BCHE: variants seen among roughly 807,000 people sequenced by gnomAD.
The protein encoded by BCHE is cholinesterase.
A neutral mutation model predicts 51.3 loss-of-function variants in BCHE; 48 were observed. That is an observed-to-expected ratio of 0.94 (90% confidence interval 0.74 to 1.19). The LOEUF is 1.19. Ranked by LOEUF, BCHE falls within the 50% of genes most tolerant of loss-of-function variation. BCHE has a pLI of 0.00. For missense variants in BCHE, 847 were observed against 708.2 expected (o/e 1.20, Z -2.23); for synonymous variants, 251 against 238.0 (o/e 1.05, Z -0.50).
chr3:165,822,036 G>A (rs150758097), intron 2 of BCHE, among the ~76,000 whole-genome samples: 669 of 152,064 alleles, frequency 4.4e-3, no homozygotes, highest in Non-Finnish European at 6.0e-3. Flanking sequence ...GAGAATAGCA[G>A]CATGTGTGCT....
At position 165,829,990 on chromosome 3, in the gene BCHE, A is replaced by G; in HGVS notation, c.1044T>C (p.Gly348=). The part of the protein sequence containing the change: ...GQFKKTQILV[G]VNKDEGTAFL... Reference sequence around the variant, plus strand: ...AAGCTGTCCCTTCATCTTTATTAACACCCACCAAAATCTGGGTTTTTTTAA... The same window carrying G: ...AAGCTGTCCCTTCATCTTTATTAACGCCCACCAAAATCTGGGTTTTTTTAA... Residue 348 remains glycine (G), a synonymous_variant, in exon 2 of 4, where the codon GGT becomes GGC. Transcript: ENST00000264381. The G allele has an allele frequency of 6.2e-7, 1 of 1,613,780 alleles. No individual in the cohort carries two copies. The highest frequency in any genetic ancestry group is 8.5e-7 in the Non-Finnish European group (1 of 1,179,860).
Position 165,773,492 on chromosome 3 carries a change from C to T in BCHE, c.1699G>A (p.Ala567Thr), listed in dbSNP as rs1803274. The T allele has an allele frequency of 0.19, 310,983 of 1,602,676 alleles. 31,008 individuals carry two copies. The highest frequency in any genetic ancestry group is 0.23 in the Middle Eastern group (1,379 of 6,032). The change falls in exon 4 of 4, where the codon GCA becomes ACA. Residue 567 changes from alanine (A) to threonine (T), a missense_variant. Physicochemically the swap from Ala to Thr is moderately conservative, Grantham distance 58. Coordinates refer to ENST00000264381, the MANE Select transcript of BCHE (RefSeq NM_000055.4). ...AATCCTGCTTTCCACTCCCATTCTG[C>T]TTCATCAATATTTCCTGTAAAATAT... is the stretch of plus-strand genomic sequence containing the variant. ...VLEMTGNIDE[A>T]EWEWKAGFHR...
intron 2 of BCHE, among the ~76,000 whole-genome samples, chr3:165,804,822 G>A (rs1713812842): frequency 6.6e-6 from 1 of 152,178 alleles, no homozygotes; most frequent in East Asian, 1.9e-4. Context: ...TTCACATAGT[G>A]TGTATACATG....
intron 3 of BCHE, among the ~76,000 whole-genome samples, chr3:165,775,008 A>T (rs1457336058): frequency 6.6e-6 from 1 of 152,186 alleles, no homozygotes; most frequent in African/African-American, 2.4e-5. Flanking sequence ...TTAAACTTTT[A>T]GAATGCTAAG....
intron 2 of BCHE, among the ~76,000 whole-genome samples, chr3:165,810,558 G>A (rs1301865227): frequency 6.6e-6 from 1 of 152,068 alleles, no homozygotes; most frequent in Non-Finnish European, 1.5e-5. Context: ...AGGATATTGT[G>A]CCAGCCAAAT....
At chr3:165,834,848 T>C (rs750974746) in intron 1 of BCHE, among the ~76,000 whole-genome samples, 2 of 151,898 alleles carry the variant, frequency 1.3e-5, no homozygotes, top group Non-Finnish European at 2.9e-5. Context: ...GCAGGTTTGA[T>C]CGTTTTTCTT....
intron 2 of BCHE, among the ~76,000 whole-genome samples, chr3:165,823,633 A>G (rs758319633): frequency 2.0e-4 from 31 of 152,164 alleles, no homozygotes; most frequent in Non-Finnish European, 3.4e-4. Context: ...TTATAATAAG[A>G]TATTTTCCCA....
intron 2 of BCHE, among the ~76,000 whole-genome samples, chr3:165,827,273 T>C (rs991946718): frequency 1.3e-5 from 2 of 152,040 alleles, no homozygotes; most frequent in African/African-American, 4.8e-5. Flanking sequence ...TGTGCAAATA[T>C]CGTCTGCAAA....
chr3:165,805,650 A>G (rs370080480), intron 2 of BCHE, among the ~76,000 whole-genome samples: 12 of 152,204 alleles, frequency 7.9e-5, no homozygotes, highest in Non-Finnish European at 1.6e-4. Flanking sequence ...CAATAACCTA[A>G]ATCATTAAAC....
intron 2 of BCHE, among the ~76,000 whole-genome samples, chr3:165,793,019 T>C (rs915260888): frequency 6.6e-6 from 1 of 152,140 alleles, no homozygotes; most frequent in African/African-American, 2.4e-5. Flanking sequence ...TGAAGAAGAT[T>C]TTTTTAGTTT....
At chr3:165,826,177 C>G (rs1169460917) in intron 2 of BCHE, among the ~76,000 whole-genome samples, 1 of 152,252 alleles carries the variant, frequency 6.6e-6, no homozygotes, top group South Asian at 2.1e-4. Flanking sequence ...AAAACATCTT[C>G]TACAACAAGA....
At chr3:165,813,695 AG>A (rs1714195771) in intron 2 of BCHE, among the ~76,000 whole-genome samples, 1 of 151,898 alleles carries the variant, frequency 6.6e-6, no homozygotes, top group Non-Finnish European at 1.5e-5. Context: ...AGAAATTTCA[AG>A]GATAACAAAG....
Position 165,829,758 on chromosome 3 carries a change from AATT to A in BCHE, c.1273_1275del (p.Asn425del). 1 of 1,613,940 alleles carries A rather than the reference AATT, an allele frequency of 6.2e-7. No individual in the cohort carries two copies. The highest frequency in any genetic ancestry group is 1.7e-5 in the Admixed American group (1 of 59,954). The stretch of plus-strand genomic sequence containing the variant: ...GTGAACTCCAAGGCAGGGCATATGA[AATT>A]ATAATCCCCAACAACATCACCCAAG... On this transcript the variant is annotated inframe_deletion, in exon 2 of 4. Transcript: ENST00000264381.
chr3:165,802,608 T>A (rs1713700486), intron 2 of BCHE, among the ~76,000 whole-genome samples: 1 of 151,670 alleles, frequency 6.6e-6, no homozygotes, highest in Non-Finnish European at 1.5e-5. Flanking sequence ...TGGGGAAAAA[T>A]TTTAAAAATA....
At chr3:165,793,827 C>A (rs1242999532) in intron 2 of BCHE, among the ~76,000 whole-genome samples, 1 of 152,026 alleles carries the variant, frequency 6.6e-6, no homozygotes. Context: ...CGGTGGATCA[C>A]CTGGGATAAG....
chr3:165,780,679 A>G (rs1365180829), intron 3 of BCHE, among the ~76,000 whole-genome samples: 1 of 152,196 alleles, frequency 6.6e-6, no homozygotes, highest in Non-Finnish European at 1.5e-5. Context: ...ATCACTGATC[A>G]TTGGAGAAAT....
chr3:165,813,886 T>C (rs182692865), intron 2 of BCHE, among the ~76,000 whole-genome samples: 52 of 151,996 alleles, frequency 3.4e-4, no homozygotes, highest in African/African-American at 1.3e-3. Context: ...GGTAGAGATT[T>C]AAAAAAAGTC....
intron 2 of BCHE, among the ~76,000 whole-genome samples, chr3:165,805,111 T>C (rs1039768431): frequency 6.6e-6 from 1 of 152,172 alleles, no homozygotes; most frequent in East Asian, 1.9e-4. Context: ...TAGTATACTC[T>C]GATGTAATCT....
Position 165,816,866 on chromosome 3 carries a change from C to A in BCHE, c.1517+12651G>T, listed in dbSNP as rs368530616. ...CTAAAACCTCCGTAAGTGAAATAAA[C>A]CTGTCTCATAGCTTTAAACACCATC... On this transcript the variant is annotated intron_variant, in intron 2 of 3. Transcript: ENST00000264381. 1.1e-4 allele frequency among the ~76,000 whole-genome samples: 16 copies of A among 152,078 alleles called. No homozygotes were observed. The East Asian group carries it at 2.5e-3, about 24-fold the overall frequency.
Sources: allele counts gnomAD v4.1 joint callset (sites outside exome capture counted in the v4.1 genomes callset), GRCh38; gene constraint gnomAD v4.1.1; transcripts MANE v1.5; gene names NCBI Gene and HGNC (gene_info 2026-07-23, HGNC 2026-07-21).